PACSIN2: variants seen among roughly 807,000 people sequenced by gnomAD.
The protein encoded by PACSIN2 is protein kinase C and casein kinase substrate in neurons protein 2.
PACSIN2 carries 25 observed loss-of-function variants against 63.8 expected under a neutral mutation model. That is an observed-to-expected ratio of 0.39 (90% CI 0.29 to 0.55). The LOEUF (loss-of-function observed/expected upper bound fraction) is 0.55, where lower values mean the gene tolerates loss of function less well. Among genes scored for constraint, PACSIN2 ranks in the 20% least tolerant of loss-of-function variants. PACSIN2 has a pLI of 0.62. For synonymous variants in PACSIN2, 255 were observed against 256.2 expected (o/e 1.00, Z 0.05); for missense variants, 518 against 646.9 (o/e 0.80, Z 2.16).
chr22:42,984,868 A>T (rs1922496508), intron 1 of PACSIN2, among the ~76,000 whole-genome samples: 3 of 152,330 alleles, frequency 2.0e-5, no homozygotes, highest in Admixed American at 2.0e-4. Context: ...GCAACTACTT[A>T]CCTGAAAAAA....
chr22:42,932,137 T>C (rs1366172483), intron 1 of PACSIN2, among the ~76,000 whole-genome samples: 2 of 152,140 alleles, frequency 1.3e-5, no homozygotes, highest in Non-Finnish European at 2.9e-5. Context: ...TACTCTCCCT[T>C]ACCTGCTGGC....
intron 1 of PACSIN2, among the ~76,000 whole-genome samples, chr22:42,970,990 TG>T (rs1429741139): frequency 6.6e-6 from 1 of 152,178 alleles, no homozygotes; most frequent in Non-Finnish European, 1.5e-5. Context: ...AGCCTACCCC[TG>T]CACCACCTCT....
chr22:42,977,603 T>C (rs1347851028), intron 1 of PACSIN2, among the ~76,000 whole-genome samples: 1 of 152,224 alleles, frequency 6.6e-6, no homozygotes, highest in Non-Finnish European at 1.5e-5. Context: ...AAGGGGTTGA[T>C]ATGGTTAGGC....
Position 42,871,336 on chromosome 22 carries a change from C to CG in PACSIN2, c.*20dup. 2 of 1,548,532 alleles carry CG rather than the reference C, an allele frequency of 1.3e-6. No individual in the cohort carries two copies. The highest frequency in any genetic ancestry group is 1.8e-6 in the Non-Finnish European group (2 of 1,120,156). ...CCTGGGCCCGCCGCCTCCGTCCCCC[C>CG]GCTGGCCTGTCCCCGACTCATCACT... On this transcript the variant is annotated 3_prime_UTR_variant, in exon 11 of 11. Coordinates refer to ENST00000263246, the MANE Select transcript of PACSIN2 (RefSeq NM_001184970.3). The surrounding 1 kb of genome is among the most constrained non-coding windows in gnomAD (Gnocchi z 5.4).
chr22:42,981,698 G>T (rs1202616695), intron 1 of PACSIN2, among the ~76,000 whole-genome samples: 1 of 112,722 alleles, frequency 8.9e-6, no homozygotes, highest in Non-Finnish European at 1.9e-5. Flanking sequence ...GAGGTGAGGG[G>T]CTCCTCTGCC....
chr22:43,012,884 C>T (rs148597868), intron 1 of PACSIN2, among the ~76,000 whole-genome samples: 3,380 of 152,284 alleles, frequency 0.022, 126 homozygotes, highest in African/African-American at 0.076. Context: ...GAACTCCCGA[C>T]CTCTGGTGAT....
chr22:42,974,748 C>CAAAA (rs763775543), intron 1 of PACSIN2, among the ~76,000 whole-genome samples: 3 of 58,464 alleles, frequency 5.1e-5, no homozygotes, highest in Non-Finnish European at 7.4e-5. Context: ...GATCTTGTCT[C>CAAAA]AAAAAAAAAA....
chr22:42,912,181 T>C (rs897039086), intron 1 of PACSIN2, 24 bp from the exon 2 acceptor site: 6 of 746,476 alleles, frequency 8.0e-6, no homozygotes, highest in Middle Eastern at 2.5e-4. Context: ...ACATATAACA[T>C]AGTGGTTTTT....
In PACSIN2 at chr22:42,926,399, C is replaced by A. The variant is rs79551363; in HGVS notation, c.-77-14242G>T. On this transcript the variant is annotated intron_variant, in intron 1 of 10. Coordinates refer to ENST00000263246, the MANE Select transcript of PACSIN2 (RefSeq NM_001184970.3). ...AGATTAAAAAAACAGCCAGCATCTCCAGGCAGACACAACTCATTGTTGCTA... is the reference window on the plus strand; with the variant it reads ...AGATTAAAAAAACAGCCAGCATCTCAAGGCAGACACAACTCATTGTTGCTA... Among the ~76,000 whole-genome samples, 415 of 152,246 alleles carry A rather than the reference C, an allele frequency of 2.7e-3. 14 individuals carry two copies. In the East Asian group the frequency reaches 0.051, roughly 19 times the overall value.
At chr22:42,981,749 C>A (rs1922162455) in intron 1 of PACSIN2, among the ~76,000 whole-genome samples, 1 of 118,420 alleles carries the variant, frequency 8.4e-6, no homozygotes, top group Non-Finnish European at 1.8e-5. Context: ...CTCTGCCCGG[C>A]CAGTCGCCCC....
At chr22:42,938,622 G>GCAGGACCATT (rs1569298529) in intron 1 of PACSIN2, among the ~76,000 whole-genome samples, 1 of 152,202 alleles carries the variant, frequency 6.6e-6, no homozygotes, top group Non-Finnish European at 1.5e-5. Context: ...TGCATGTTCC[G>GCAGGACCATT]CAGGACCATT....
chr22:42,923,233 C>T (rs574858820), intron 1 of PACSIN2, among the ~76,000 whole-genome samples: 211 of 152,298 alleles, frequency 1.4e-3, no homozygotes, highest in Non-Finnish European at 2.3e-3. Flanking sequence ...TGCATGTCTT[C>T]TCAATGCATG....
intron 1 of PACSIN2, among the ~76,000 whole-genome samples, chr22:42,939,930 T>A (rs1933075398): frequency 1.3e-5 from 2 of 152,352 alleles, no homozygotes; most frequent in East Asian, 3.9e-4. Flanking sequence ...TTCTAGAGAC[T>A]GCATGTTAGT....
intron 2 of PACSIN2, among the ~76,000 whole-genome samples, chr22:42,903,422 T>C (rs886468276): frequency 6.6e-6 from 1 of 152,244 alleles, no homozygotes; most frequent in African/African-American, 2.4e-5. Context: ...AAATCTGTGA[T>C]GTGTGTTTGA....
intron 1 of PACSIN2, among the ~76,000 whole-genome samples, chr22:42,960,861 T>C (rs1484258547): frequency 6.6e-6 from 1 of 152,210 alleles, no homozygotes; most frequent in African/African-American, 2.4e-5. Flanking sequence ...AATAACACTT[T>C]TTAAAATCTC....
intron 1 of PACSIN2, among the ~76,000 whole-genome samples, chr22:43,003,417 C>A (rs1923891477): frequency 6.6e-6 from 1 of 152,176 alleles, no homozygotes. Context: ...TCCTGGCTAA[C>A]ACGGTGAAAC....
At chr22:43,013,624 G>A (rs1924645714) in intron 1 of PACSIN2, among the ~76,000 whole-genome samples, 1 of 152,166 alleles carries the variant, frequency 6.6e-6, no homozygotes, top group Admixed American at 6.5e-5. Flanking sequence ...CCTTGCCCTG[G>A]GCTCCAACCT....
intron 1 of PACSIN2, among the ~76,000 whole-genome samples, chr22:43,007,197 C>T (rs1332499257): frequency 6.6e-6 from 1 of 151,888 alleles, no homozygotes; most frequent in African/African-American, 2.4e-5. Context: ...CCTAGCAGCC[C>T]CTCTCACACA....
chr22:42,886,439 GGTAGGTAGGTAGGTAT>G (rs1467886060), intron 5 of PACSIN2, among the ~76,000 whole-genome samples: 21 of 136,928 alleles, frequency 1.5e-4, no homozygotes, highest in South Asian at 4.9e-4. Flanking sequence ...TAGGTAGGTA[GGTAGGTAGGTAGGTAT>G]GTATGTACCT....
Sources: gnomAD v4.1 joint callset for allele counts (sites outside exome capture counted in the v4.1 genomes callset) on GRCh38, gnomAD v4.1.1 for gene constraint, Gnocchi (gnomAD v3.1) non-coding constraint, MANE v1.5 for transcripts, NCBI Gene and HGNC (gene_info 2026-07-23, HGNC 2026-07-21) for gene names.